The following KIF3A variants were observed in gnomAD, a reference collection of about 807,000 sequenced individuals.
KIF3A encodes the protein kinesin-like protein KIF3A.
KIF3A carries 27 observed loss-of-function variants against 92.6 expected under a neutral mutation model. That is an observed-to-expected ratio of 0.29 (90% confidence interval 0.21 to 0.40). The LOEUF is 0.40. KIF3A is among the 10% of genes least tolerant of loss of function. The probability of loss-of-function intolerance (pLI) is 1.00; values close to 1 mark genes in which losing one functional copy is unlikely to be tolerated. For missense variants in KIF3A, 581 were observed against 872.6 expected (o/e 0.67, Z 4.21); for synonymous variants, 250 against 275.4 (o/e 0.91, Z 0.92).
rs1752786268 is a variant in KIF3A at position 132,695,030 on chromosome 5, AT to A, written c.*1603del. ...TTTAAACTAGGATTTAACAAAACTT[AT>A]TAAAATAATATTAATTTAATAAATA... On this transcript the variant is annotated 3_prime_UTR_variant, in exon 19 of 19. Transcript: ENST00000403231. The A allele has an allele frequency of 6.6e-6, 1 of 152,218 alleles. No homozygotes were observed. The highest frequency in any genetic ancestry group is 2.4e-5 in the African/African-American group (1 of 41,462). 9.4% of individuals were successfully genotyped at this position (152,218 alleles called of 1,614,324 possible).
intron 8 of KIF3A, among the ~76,000 whole-genome samples, chr5:132,711,508 C>A (rs1753421706): frequency 6.6e-6 from 1 of 152,062 alleles, no homozygotes; most frequent in African/African-American, 2.4e-5. Context: ...AGGAGAATCA[C>A]TTGAACCCAG....
intron 4 of KIF3A, among the ~76,000 whole-genome samples, chr5:132,721,988 C>G (rs1049370912): frequency 1.3e-5 from 2 of 152,140 alleles, no homozygotes; most frequent in African/African-American, 4.8e-5. Context: ...CTCAAAAAAT[C>G]TCTGATAAAG....
intron 18 of KIF3A, among the ~76,000 whole-genome samples, chr5:132,698,799 ATGATCTCG>A (rs1460354129): frequency 6.5e-5 from 7 of 108,488 alleles, no homozygotes; most frequent in African/African-American, 2.1e-4. Context: ...GCATGATCTC[ATGATCTCG>A]GCTAACTGCA....
At chr5:132,724,891 C>A (rs10074523) in intron 4 of KIF3A, among the ~76,000 whole-genome samples, 76,067 of 121,432 alleles carry the variant, frequency 0.63, 25,440 homozygotes, top group Non-Finnish European at 0.75. Flanking sequence ...TTACAATCTT[C>A]AATGGAGGTT....
intron 2 of KIF3A, among the ~76,000 whole-genome samples, chr5:132,731,006 C>T (rs1270558163): frequency 6.6e-6 from 1 of 152,064 alleles, no homozygotes; most frequent in Non-Finnish European, 1.5e-5. Context: ...TCTGAATAGT[C>T]TTATGTCTAT....
At chr5:132,717,713 A>G in intron 5 of KIF3A, among the ~76,000 whole-genome samples, 1 of 152,230 alleles carries the variant, frequency 6.6e-6, no homozygotes, top group South Asian at 2.1e-4. Flanking sequence ...GTAAACAAAA[A>G]ACATTTTTTT....
intron 18 of KIF3A, chr5:132,697,964 C>T (rs923958230): frequency 6.6e-6 from 1 of 152,264 alleles, no homozygotes; most frequent in Non-Finnish European, 1.5e-5. Flanking sequence ...TCTAAAGGGA[C>T]TCATGTTTCT....
At chr5:132,714,851 A>T (rs1321579980) in intron 8 of KIF3A, among the ~76,000 whole-genome samples, 1 of 152,262 alleles carries the variant, frequency 6.6e-6, no homozygotes, top group African/African-American at 2.4e-5. Flanking sequence ...GTATGCACTC[A>T]CCGTTAACAT....
chr5:132,716,075 T>G, intron 7 of KIF3A, 144 bp from the exon 8 acceptor site: 1 of 842,362 alleles, frequency 1.2e-6, no homozygotes, highest in Middle Eastern at 3.6e-4. Context: ...CACATGAGTT[T>G]CCAAAGGACA....
At chr5:132,732,394 TA>T (rs1336982363) in intron 2 of KIF3A, among the ~76,000 whole-genome samples, 1 of 152,188 alleles carries the variant, frequency 6.6e-6, no homozygotes, top group Non-Finnish European at 1.5e-5. Flanking sequence ...CTGTAATAGC[TA>T]AAAAGTAGAA....
chr5:132,705,783 AATGTGAAT>A (rs1753190281), intron 11 of KIF3A, among the ~76,000 whole-genome samples: 1 of 152,044 alleles, frequency 6.6e-6, no homozygotes, highest in South Asian at 2.1e-4. Context: ...TTTTAAGCTA[AATGTGAAT>A]ATGTGCTAAC....
chr5:132,706,474 T>A lies in KIF3A; in HGVS notation c.1301-15A>T. The A allele has an allele frequency of 3.2e-6, 5 of 1,540,248 alleles. No individual in the cohort carries two copies. The highest frequency in any genetic ancestry group is 4.4e-6 in the Non-Finnish European group (5 of 1,142,802). ...ACCTGCTTGATCTTGCAATAAGAAG[T>A]AGTAAGCAAATCGCAGACAGGAAGC... On this transcript the variant is annotated splice_polypyrimidine_tract_variant and intron_variant, in intron 10 of 18. Coordinates refer to ENST00000403231, the MANE Select transcript of KIF3A (RefSeq NM_001300791.2).
At chr5:132,711,235 A>T (rs886112286) in intron 8 of KIF3A, among the ~76,000 whole-genome samples, 178 bp from the exon 9 acceptor site, 6 of 152,230 alleles carry the variant, frequency 3.9e-5, no homozygotes, top group Non-Finnish European at 8.8e-5. Context: ...CAGATGAGAT[A>T]TCCAAAAAGA....
At chr5:132,713,889 CTTTTTTTTTTTT>C (rs34191042) in intron 8 of KIF3A, among the ~76,000 whole-genome samples, 1 of 83,772 alleles carries the variant, frequency 1.2e-5, no homozygotes, top group African/African-American at 4.8e-5. Context: ...ATTTCACTTT[CTTTTTTTTTTTT>C]TTTTTTTTTT....
At chr5:132,719,197 T>A (rs953243717) in intron 5 of KIF3A, among the ~76,000 whole-genome samples, 2 of 152,238 alleles carry the variant, frequency 1.3e-5, no homozygotes, top group Non-Finnish European at 1.5e-5. Flanking sequence ...ATATCCTTCA[T>A]CTAATCTGAT....
chr5:132,730,063 A>G (rs1754172987), intron 2 of KIF3A, among the ~76,000 whole-genome samples: 1 of 152,262 alleles, frequency 6.6e-6, no homozygotes, highest in Non-Finnish European at 1.5e-5. Context: ...ACTACATTCA[A>G]CATACTAAAA....
At chr5:132,712,380 C>G (rs1418601347) in intron 8 of KIF3A, among the ~76,000 whole-genome samples, 1 of 152,134 alleles carries the variant, frequency 6.6e-6, no homozygotes, top group Non-Finnish European at 1.5e-5. Flanking sequence ...AAAGCTGGAA[C>G]AATTCAATGA....
chr5:132,727,838 A>G lies in KIF3A; in HGVS notation c.281-1340T>C, dbSNP rs1000601136. Among the ~76,000 whole-genome samples, 3 of 152,164 alleles carry G rather than the reference A, an allele frequency of 2.0e-5. No individual in the cohort carries two copies. The East Asian group carries it at 5.8e-4, about 29-fold the overall frequency. On this transcript the variant is annotated intron_variant, in intron 2 of 18. Coordinates refer to ENST00000403231, the MANE Select transcript of KIF3A (RefSeq NM_001300791.2). ...GTAAGAAAAGATAGCCTTGGATGTG[A>G]TGGCATATATGAAAACGGTTCCTCA...
At chr5:132,722,799 C>A (rs936825122) in intron 4 of KIF3A, among the ~76,000 whole-genome samples, 1 of 152,140 alleles carries the variant, frequency 6.6e-6, no homozygotes, top group Non-Finnish European at 1.5e-5. Flanking sequence ...GGCAATAACA[C>A]CAATCAAGGG....
Sources: allele counts gnomAD v4.1 joint callset (sites outside exome capture counted in the v4.1 genomes callset), GRCh38; gene constraint gnomAD v4.1.1; transcripts MANE v1.5; gene names NCBI Gene and HGNC (gene_info 2026-07-23, HGNC 2026-07-21).